CNTN5: variants seen among roughly 807,000 people sequenced by gnomAD.
CNTN5 encodes contactin 5.
A neutral mutation model predicts 129.1 loss-of-function variants in CNTN5; 77 were observed. The observed-to-expected ratio is 0.60, with a 90% confidence interval of 0.50 to 0.72. The LOEUF is 0.72. CNTN5 is among the 30% of genes least tolerant of loss of function. The pLI, the probability that CNTN5 is intolerant of heterozygous loss-of-function variation, is 0.00. For missense variants in CNTN5, 1,478 were observed against 1,328.8 expected (o/e 1.11, Z -1.75); for synonymous variants, 509 against 465.6 (o/e 1.09, Z -1.20).
At chr11:100,172,777 G>T (rs1439615635) in intron 13 of CNTN5, among the ~76,000 whole-genome samples, 1 of 152,022 alleles carries the variant, frequency 6.6e-6, no homozygotes, top group East Asian at 1.9e-4. Flanking sequence ...TTTTGAGATG[G>T]AATCAGAAAG....
chr11:99,774,705 G>A (rs1448872019), intron 3 of CNTN5, among the ~76,000 whole-genome samples: 1 of 151,762 alleles, frequency 6.6e-6, no homozygotes, highest in Admixed American at 6.6e-5. Context: ...ATTCTGTCCT[G>A]TTACTTCAAA....
intron 13 of CNTN5, among the ~76,000 whole-genome samples, chr11:100,119,112 C>T (rs1945932561): frequency 6.6e-6 from 1 of 151,544 alleles, no homozygotes; most frequent in African/African-American, 2.4e-5. Context: ...CTTACATATG[C>T]CTCTTGTGAA....
intron 3 of CNTN5, among the ~76,000 whole-genome samples, chr11:99,751,939 A>G (rs1944250422): frequency 6.6e-6 from 1 of 152,160 alleles, no homozygotes; most frequent in South Asian, 2.1e-4. Context: ...AGGACACAAC[A>G]TTCATCCTCT....
In CNTN5 at chr11:100,333,423, A is replaced by C. The variant is rs1247805308; in HGVS notation, c.2731-7040A>C. Among the ~76,000 whole-genome samples, 12 of 150,750 alleles carry C rather than the reference A, an allele frequency of 8.0e-5. No homozygotes were observed. The East Asian group carries it at 1.7e-3, about 22-fold the overall frequency. Reference sequence around the variant, plus strand: ...CACTGAATTAGAAAAAAAAAAAAAAAAAAAAAAAACACCTAAAATCCACAT... The same window carrying C: ...CACTGAATTAGAAAAAAAAAAAAAACAAAAAAAAACACCTAAAATCCACAT... On this transcript the variant is annotated intron_variant, in intron 21 of 24. Transcript: ENST00000524871.
Position 100,193,611 on chromosome 11 carries a change from G to A in CNTN5, c.1832G>A (p.Gly611Glu), listed in dbSNP as rs1317730113. Residue 611 changes from glycine (G) to glutamate (E), a missense_variant, in exon 15 of 25, where the codon GGA (glycine) becomes GAA (glutamate). Transcript: ENST00000524871. Reference sequence around the variant, plus strand: ...GTCACTTTCTACTGGACTCTGAAAGGACAGCCTATTGATTTCGAGGAAGAG... The same window carrying A: ...GTCACTTTCTACTGGACTCTGAAAGAACAGCCTATTGATTTCGAGGAAGAG... The part of the protein sequence containing the change: ...LDVTFYWTLK[G>E]QPIDFEEEGG... 4 of 1,612,042 alleles carry A rather than the reference G, an allele frequency of 2.5e-6. No individual in the cohort carries two copies. Among genetic ancestry groups the A allele is most frequent in the Admixed American group, 1.7e-5 (1 of 59,716 alleles).
In CNTN5 at chr11:100,303,172, A is replaced by G. The variant is rs1409361493; in HGVS notation, c.2620+3776A>G. Among the ~76,000 whole-genome samples the G allele has an allele frequency of 2.0e-5, 3 of 151,540 alleles. No individual in the cohort carries two copies. The East Asian group carries it at 5.9e-4, about 30-fold the overall frequency. On this transcript the variant is annotated intron_variant, in intron 20 of 24. Coordinates refer to ENST00000524871, the MANE Select transcript of CNTN5 (RefSeq NM_014361.4). ...TATCCATGTACCCTGTACATGTGTC[A>G]AATATCTTTGTCCTTTAAACCGAGC...
At chr11:99,026,867 A>T (rs187832746) in intron 1 of CNTN5, among the ~76,000 whole-genome samples, 13 of 151,728 alleles carry the variant, frequency 8.6e-5, no homozygotes, top group African/African-American at 2.9e-4. Context: ...GTATCTATTC[A>T]AATCAAATCC....
chr11:99,375,011 T>A (rs1051115928), intron 2 of CNTN5, among the ~76,000 whole-genome samples: 1 of 151,682 alleles, frequency 6.6e-6, no homozygotes, highest in East Asian at 1.9e-4. Flanking sequence ...CTGAAGAAAA[T>A]GGAGAGCTAG....
At chr11:99,602,164 T>C (rs1950332190) in intron 3 of CNTN5, among the ~76,000 whole-genome samples, 1 of 152,080 alleles carries the variant, frequency 6.6e-6, no homozygotes, top group Non-Finnish European at 1.5e-5. Context: ...GACAAAATAG[T>C]TACCATGAGA....
chr11:99,948,846 C>T (rs1950610272), intron 7 of CNTN5, among the ~76,000 whole-genome samples: 1 of 152,244 alleles, frequency 6.6e-6, no homozygotes, highest in Admixed American at 6.5e-5. Flanking sequence ...TGAAGATTGG[C>T]TGCTTCCTCT....
chr11:99,784,225 A>G (rs1338896207), intron 3 of CNTN5, among the ~76,000 whole-genome samples: 1 of 152,064 alleles, frequency 6.6e-6, no homozygotes, highest in Non-Finnish European at 1.5e-5. Flanking sequence ...TACATGTGCC[A>G]TGGTGGTTTG....
intron 3 of CNTN5, among the ~76,000 whole-genome samples, chr11:99,612,941 C>G (rs948861745): frequency 1.3e-5 from 2 of 152,086 alleles, no homozygotes; most frequent in Admixed American, 1.3e-4. Context: ...GACCCAGAAA[C>G]AAGAACTGAG....
intron 3 of CNTN5, among the ~76,000 whole-genome samples, chr11:99,766,268 C>G (rs72987745): frequency 6.6e-6 from 1 of 152,046 alleles, no homozygotes; most frequent in Non-Finnish European, 1.5e-5. Flanking sequence ...ATAAAACAGG[C>G]CTTCACTGTC....
chr11:99,404,760 T>G (rs941356903), intron 2 of CNTN5, among the ~76,000 whole-genome samples: 8 of 152,150 alleles, frequency 5.3e-5, no homozygotes, highest in Non-Finnish European at 1.2e-4. Context: ...TCACCACAGT[T>G]ACAATGTCAT....
At chr11:99,357,551 A>G (rs1187972337) in intron 2 of CNTN5, among the ~76,000 whole-genome samples, 9 of 151,828 alleles carry the variant, frequency 5.9e-5, no homozygotes, top group African/African-American at 1.7e-4. Flanking sequence ...ATTGATAATG[A>G]TAACAGAGAG....
intron 2 of CNTN5, among the ~76,000 whole-genome samples, chr11:99,372,857 A>C (rs1028305700): frequency 6.6e-6 from 1 of 152,210 alleles, no homozygotes; most frequent in African/African-American, 2.4e-5. Flanking sequence ...CAATTACTTA[A>C]AAGGGAAATC....
intron 1 of CNTN5, among the ~76,000 whole-genome samples, chr11:99,225,820 G>T (rs928796248): frequency 1.3e-5 from 2 of 152,018 alleles, no homozygotes; most frequent in Non-Finnish European, 2.9e-5. Flanking sequence ...AAAACATTTT[G>T]TTCTGTTTAT....
At chr11:100,340,964 A>G (rs1952145527) in intron 22 of CNTN5, 129 bp from the exon 23 acceptor site, 2 of 706,048 alleles carry the variant, frequency 2.8e-6, no homozygotes, top group Non-Finnish European at 4.9e-6. Context: ...ATCTGACTCC[A>G]GCTGGAAGGA....
intron 1 of CNTN5, among the ~76,000 whole-genome samples, chr11:99,140,683 T>C (rs1473173818): frequency 6.6e-6 from 1 of 152,078 alleles, no homozygotes; most frequent in East Asian, 1.9e-4. Flanking sequence ...TCCTAGTTTG[T>C]GGAGGGTTTT....
Sources: gnomAD v4.1 joint callset for allele counts (sites outside exome capture counted in the v4.1 genomes callset) on GRCh38, gnomAD v4.1.1 for gene constraint, MANE v1.5 for transcripts, NCBI Gene and HGNC (gene_info 2026-07-23, HGNC 2026-07-21) for gene names.